NBAS: variants seen among roughly 807,000 people sequenced by gnomAD.
The protein encoded by NBAS is NBAS subunit of NRZ tethering complex, also known as NAG/BC035112 fusion.
In NBAS, 219 loss-of-function variants were observed where a neutral mutation model predicts 302.5. That is an observed-to-expected ratio of 0.72 (90% CI 0.65 to 0.81). NBAS has a LOEUF of 0.81. NBAS is among the 30% of genes least tolerant of loss of function. NBAS has a pLI of 0.00. For synonymous variants in NBAS, 1,118 were observed against 1,021.6 expected, an observed-to-expected ratio of 1.09 and a Z score of -1.80; for missense variants, 2,932 against 2,841.6, an observed-to-expected ratio of 1.03 and a Z score of -0.72.
chr2:15,008,766 A>G, the NBAS span, among the ~76,000 whole-genome samples: 5 of 152,246 alleles, frequency 3.3e-5, no homozygotes, highest in African/African-American at 1.2e-4. Flanking sequence ...GCAGGAAAGC[A>G]CACACAGCCA....
At chr2:15,273,643 T>C (rs1489528003) in intron 44 of NBAS, among the ~76,000 whole-genome samples, 2 of 152,134 alleles carry the variant, frequency 1.3e-5, no homozygotes, top group Non-Finnish European at 2.9e-5. Flanking sequence ...ACAACCTCTG[T>C]CTCAAGGAAG....
chr2:15,266,180 T>C (rs1669068471), intron 44 of NBAS, among the ~76,000 whole-genome samples: 3 of 152,180 alleles, frequency 2.0e-5, no homozygotes, highest in South Asian at 4.1e-4. Context: ...TCCATGATTG[T>C]AAGTTTCCTG....
At chr2:15,033,097 G>T in the NBAS span, among the ~76,000 whole-genome samples, 1 of 152,318 alleles carries the variant, frequency 6.6e-6, no homozygotes, top group Non-Finnish European at 1.5e-5. Context: ...CCACCCCAGT[G>T]GGTCTGGAAA....
the NBAS span, among the ~76,000 whole-genome samples, chr2:15,048,529 C>T: frequency 1.2e-4 from 19 of 152,338 alleles, no homozygotes; most frequent in South Asian, 1.2e-3. Flanking sequence ...CTTCTTCTCA[C>T]GCTGAGAACC....
chr2:15,476,646 T>G (rs1173265670), intron 13 of NBAS, among the ~76,000 whole-genome samples: 1 of 151,858 alleles, frequency 6.6e-6, no homozygotes, highest in African/African-American at 2.4e-5. Flanking sequence ...ACCCGGGAGA[T>G]GGAGGTCGCG....
chr2:15,500,643 T>A lies in NBAS; in HGVS notation c.954+3502A>T, dbSNP rs1456598134. 7.6e-4 allele frequency among the ~76,000 whole-genome samples: 74 copies of A among 97,752 alleles called. 1 individual carries two copies. The highest frequency in any genetic ancestry group is 3.2e-4 in the Non-Finnish European group (13 of 40,662). The allele number at this position is 97,752 out of a possible 152,430, so 64.1% of individuals were successfully genotyped here. A position where few individuals can be genotyped will look rare whatever the true frequency, so the allele number is the denominator to read the frequency against. On this transcript the variant is annotated intron_variant, in intron 11 of 51. Transcript: ENST00000281513. ...GAAAGAAAAAAAGGCTTTTGAAAAA[T>A]AAAAAAAAAAGGCCAGGTGCGGTGG...
intron 44 of NBAS, among the ~76,000 whole-genome samples, chr2:15,248,388 A>C (rs1057280939): frequency 1.3e-5 from 2 of 152,198 alleles, no homozygotes; most frequent in African/African-American, 4.8e-5. Context: ...ATCACAATTA[A>C]AAGAATTATT....
Position 15,233,273 on chromosome 2 carries a change from T to C in NBAS, c.6147-762A>G, listed in dbSNP as rs563458982. On this transcript the variant is annotated intron_variant, in intron 46 of 51. Coordinates refer to ENST00000281513, the MANE Select transcript of NBAS (RefSeq NM_015909.4). ...TGCTGGAAGATTTAATTCACATTTA[T>C]TGAATGTCTTCTGTGTGCCAAGTAT... 1.1e-4 allele frequency among the ~76,000 whole-genome samples: 17 copies of C among 152,332 alleles called. No homozygotes were observed. The South Asian group carries it at 2.5e-3, about 22-fold the overall frequency.
At chr2:15,244,736 C>T (rs1174945853) in intron 44 of NBAS, among the ~76,000 whole-genome samples, 2 of 152,186 alleles carry the variant, frequency 1.3e-5, no homozygotes, top group South Asian at 2.1e-4. Context: ...GGACTAGGAC[C>T]CTGGGTGGTT....
At chr2:14,827,313 G>A in the NBAS span, among the ~76,000 whole-genome samples, 1 of 152,296 alleles carries the variant, frequency 6.6e-6, no homozygotes, top group East Asian at 1.9e-4. Flanking sequence ...TTGTTTTGCA[G>A]CTCTGTATGT....
chr2:15,379,006 C>T (rs1302195878), intron 30 of NBAS, among the ~76,000 whole-genome samples: 2 of 151,960 alleles, frequency 1.3e-5, no homozygotes, highest in Non-Finnish European at 2.9e-5. Flanking sequence ...CTTAAAAAAT[C>T]GCTGCAATTG....
At chr2:15,003,551 AT>A in the NBAS span, among the ~76,000 whole-genome samples, 1 of 152,154 alleles carries the variant, frequency 6.6e-6, no homozygotes, top group African/African-American at 2.4e-5. Context: ...GAGAGGGAGA[AT>A]TGTACTATTT....
In NBAS at chr2:15,417,543, C is replaced by T; in HGVS notation, c.2747G>A (p.Arg916Lys). 6.2e-7 allele frequency: 1 copy of T among 1,613,206 alleles called. No homozygotes were observed. The highest frequency in any genetic ancestry group is 8.5e-7 in the Non-Finnish European group (1 of 1,179,336). ...AAAACCTACACTATTCATCAGTAAT[C>T]TTAGTTTTTCAATGTCTTTCATCTG... is the stretch of plus-strand genomic sequence containing the variant. Reference protein sequence around the residue: ...LQQMKDIEKLRLLMNSCSEDK... With the variant: ...LQQMKDIEKLKLLMNSCSEDK... The change falls in exon 24 of 52, where the codon AGA becomes AAA. Residue 916 changes from arginine (R) to lysine (K), a missense_variant. Arg to Lys is a conservative substitution (Grantham distance 26). Coordinates refer to ENST00000281513, the MANE Select transcript of NBAS (RefSeq NM_015909.4).
At chr2:15,499,364 G>A (rs1681194825) in intron 11 of NBAS, among the ~76,000 whole-genome samples, 1 of 152,166 alleles carries the variant, frequency 6.6e-6, no homozygotes, top group African/African-American at 2.4e-5. Context: ...AAACCTAAAT[G>A]CCCATCAGTG....
At chr2:14,791,368 C>T in the NBAS span, among the ~76,000 whole-genome samples, 9 of 152,208 alleles carry the variant, frequency 5.9e-5, no homozygotes, top group Admixed American at 2.6e-4. Flanking sequence ...CTAAGTGGAA[C>T]GAAAACACAA....
At chr2:15,038,379 G>A in the NBAS span, among the ~76,000 whole-genome samples, 1 of 151,980 alleles carries the variant, frequency 6.6e-6, no homozygotes, top group Non-Finnish European at 1.5e-5. Flanking sequence ...CCAAAGTGCT[G>A]GGATTACAAG....
At chr2:15,368,649 T>A (rs1418407050) in intron 31 of NBAS, among the ~76,000 whole-genome samples, 1 of 152,244 alleles carries the variant, frequency 6.6e-6, no homozygotes, top group Non-Finnish European at 1.5e-5. Context: ...ATAGCTTCTG[T>A]AGACTGTATT....
chr2:15,209,853 G>A (rs1022068450), intron 48 of NBAS, among the ~76,000 whole-genome samples: 1 of 152,106 alleles, frequency 6.6e-6, no homozygotes, highest in African/African-American at 2.4e-5. Flanking sequence ...TGACAAAGGT[G>A]CCAAGAACAA....
chr2:15,062,570 A>G, the NBAS span, among the ~76,000 whole-genome samples: 12 of 152,194 alleles, frequency 7.9e-5, no homozygotes, highest in African/African-American at 2.9e-4. Context: ...CATGCAATCA[A>G]AAAGAGGAAC....
Sources: gnomAD v4.1 joint callset for allele counts (sites outside exome capture counted in the v4.1 genomes callset) on GRCh38, gnomAD v4.1.1 for gene constraint, MANE v1.5 for transcripts, NCBI Gene and HGNC (gene_info 2026-07-23, HGNC 2026-07-21) for gene names.